ZCCHC17: variants seen among roughly 807,000 people sequenced by gnomAD.
ZCCHC17 encodes zinc finger CCHC domain-containing protein 17.
A neutral mutation model predicts 30.6 loss-of-function variants in ZCCHC17; 18 were observed. That is an observed-to-expected ratio of 0.59 (90% CI 0.41 to 0.87). ZCCHC17 has a LOEUF of 0.87. Ranked by LOEUF, ZCCHC17 falls within the 40% of genes least tolerant of loss-of-function variation. The pLI, the probability that ZCCHC17 is intolerant of heterozygous loss-of-function variation, is 0.00. For missense variants in ZCCHC17, 263 were observed against 284.2 expected (o/e 0.93, Z 0.54); for synonymous variants, 88 against 92.4 (o/e 0.95, Z 0.27).
intron 7 of ZCCHC17, among the ~76,000 whole-genome samples, chr1:31,363,647 T>A (rs1640015435): frequency 6.6e-6 from 1 of 152,128 alleles, no homozygotes; most frequent in Non-Finnish European, 1.5e-5. Context: ...CAGGGTGTGG[T>A]GGTGCATACC....
intron 3 of ZCCHC17, among the ~76,000 whole-genome samples, chr1:31,326,392 A>G (rs1638346864): frequency 6.6e-6 from 1 of 152,208 alleles, no homozygotes; most frequent in Non-Finnish European, 1.5e-5. Context: ...GAAATGGTTT[A>G]CCAGCAGTTT....
chr1:31,317,169 C>T (rs557788834), intron 2 of ZCCHC17, among the ~76,000 whole-genome samples: 33 of 151,904 alleles, frequency 2.2e-4, no homozygotes, highest in African/African-American at 7.2e-4. Flanking sequence ...GGATTACAGA[C>T]GCCCACCACC....
intron 7 of ZCCHC17, among the ~76,000 whole-genome samples, chr1:31,360,033 T>C (rs1273828851): frequency 6.6e-6 from 1 of 151,488 alleles, no homozygotes; most frequent in Non-Finnish European, 1.5e-5. Context: ...CAGGCTGGAG[T>C]GCAATGGCAC....
chr1:31,339,124 C>T, intron 5 of ZCCHC17, 76 bp downstream of exon 5: 2 of 1,015,432 alleles, frequency 2.0e-6, no homozygotes, highest in Middle Eastern at 4.2e-4. Flanking sequence ...TCAGACTGAA[C>T]TGGTAACTCT....
intron 3 of ZCCHC17, 25 bp from the exon 4 acceptor site, chr1:31,337,150 C>A: frequency 6.3e-7 from 1 of 1,599,232 alleles, no homozygotes; most frequent in Non-Finnish European, 8.6e-7. Context: ...CTCTGCTTTA[C>A]GTTATTTCTT....
chr1:31,321,974 T>C (rs1250677241), intron 3 of ZCCHC17, among the ~76,000 whole-genome samples: 1 of 152,188 alleles, frequency 6.6e-6, no homozygotes, highest in African/African-American at 2.4e-5. Context: ...ATATGAAGGA[T>C]CCTTGTGGTG....
At chr1:31,319,832 T>C (rs1347155685) in intron 3 of ZCCHC17, among the ~76,000 whole-genome samples, 1 of 152,132 alleles carries the variant, frequency 6.6e-6, no homozygotes, top group Non-Finnish European at 1.5e-5. Flanking sequence ...ACTTGCTAAC[T>C]TCTTATGCTA....
chr1:31,302,254 A>T (rs1646332486), intron 1 of ZCCHC17, among the ~76,000 whole-genome samples: 1 of 152,044 alleles, frequency 6.6e-6, no homozygotes, highest in Non-Finnish European at 1.5e-5. Context: ...GAAGTGTTCC[A>T]TCTGTTGATC....
chr1:31,352,274 C>T (rs1038209378), intron 7 of ZCCHC17, among the ~76,000 whole-genome samples: 10 of 152,116 alleles, frequency 6.6e-5, no homozygotes, highest in African/African-American at 1.4e-4. Flanking sequence ...TCTTTGATCT[C>T]GAGAACTCTC....
chr1:31,309,057 ATTTT>A (rs1646535508), intron 1 of ZCCHC17, among the ~76,000 whole-genome samples: 1 of 152,126 alleles, frequency 6.6e-6, no homozygotes, highest in Non-Finnish European at 1.5e-5. Context: ...TATTATCTGA[ATTTT>A]TTTATTATCT....
At chr1:31,304,352 C>T (rs6685052) in intron 1 of ZCCHC17, among the ~76,000 whole-genome samples, 13,941 of 151,196 alleles carry the variant, frequency 0.092, 2,168 homozygotes, top group African/African-American at 0.32. Flanking sequence ...GGCATGATCT[C>T]GGCTCGCTGC....
At chr1:31,352,552 T>C (rs1446564674) in intron 7 of ZCCHC17, among the ~76,000 whole-genome samples, 2 of 152,180 alleles carry the variant, frequency 1.3e-5, no homozygotes, top group Non-Finnish European at 1.5e-5. Flanking sequence ...GGCACAATTA[T>C]GTCTCACTGC....
intron 3 of ZCCHC17, among the ~76,000 whole-genome samples, chr1:31,331,775 C>T (rs554775653): frequency 6.6e-6 from 1 of 151,758 alleles, no homozygotes; most frequent in Non-Finnish European, 1.5e-5. Flanking sequence ...CCATGCCCAA[C>T]TAATTTTTGT....
intron 3 of ZCCHC17, among the ~76,000 whole-genome samples, chr1:31,335,759 A>C (rs1354259008): frequency 3.3e-5 from 5 of 152,208 alleles, no homozygotes; most frequent in African/African-American, 1.2e-4. Context: ...CCAAAAGTTT[A>C]TTCTAGCCTT....
At chr1:31,345,495 G>T (rs1322078469) in intron 5 of ZCCHC17, among the ~76,000 whole-genome samples, 1 of 22,780 alleles carries the variant, frequency 4.4e-5, no homozygotes, top group African/African-American at 1.7e-4. Context: ...GGTTACTTTG[G>T]TATGTTCAAA....
chr1:31,359,242 G>A (rs1000711538), intron 7 of ZCCHC17, among the ~76,000 whole-genome samples: 5 of 152,144 alleles, frequency 3.3e-5, no homozygotes, highest in Non-Finnish European at 5.9e-5. Context: ...CTGGCTGGGT[G>A]TGGTGGCTCA....
intron 5 of ZCCHC17, among the ~76,000 whole-genome samples, chr1:31,342,854 T>G (rs1639097562): frequency 6.6e-6 from 1 of 152,168 alleles, no homozygotes; most frequent in African/African-American, 2.4e-5. Context: ...AGTTAGGTTT[T>G]GAAGAACAGA....
intron 6 of ZCCHC17, 134 bp from the exon 7 acceptor site, chr1:31,348,695 A>G: frequency 9.3e-7 from 1 of 1,077,442 alleles, no homozygotes; most frequent in African/African-American, 1.6e-5. Context: ...CCCTGAATCA[A>G]ACAGCTGCTT....
At chr1:31,328,880 C>T (rs754267372) in intron 3 of ZCCHC17, among the ~76,000 whole-genome samples, 4 of 152,100 alleles carry the variant, frequency 2.6e-5, no homozygotes, top group Non-Finnish European at 4.4e-5. Context: ...AAATTCCAGT[C>T]CTCTAAGCCA....
Sources: gnomAD v4.1 joint callset for allele counts (sites outside exome capture counted in the v4.1 genomes callset) on GRCh38, gnomAD v4.1.1 for gene constraint, MANE v1.5 for transcripts, NCBI Gene and HGNC (gene_info 2026-07-23, HGNC 2026-07-21) for gene names.